The following TBC1D22A variants were observed in gnomAD, a reference collection of about 807,000 sequenced individuals.
TBC1D22A encodes the protein putative GTPase activator.
TBC1D22A carries 38 observed loss-of-function variants against 60.2 expected under a neutral mutation model. That is an observed-to-expected ratio of 0.63 (90% CI 0.49 to 0.83). The LOEUF (loss-of-function observed/expected upper bound fraction) is 0.83. Among genes scored for constraint, TBC1D22A ranks in the 40% least tolerant of loss-of-function variants. TBC1D22A has a pLI of 0.00. For missense variants in TBC1D22A, 628 were observed against 701.0 expected (o/e 0.90, Z 1.18); for synonymous variants, 302 against 281.7 (o/e 1.07, Z -0.72).
At chr22:46,983,423 A>T (rs993824211) in intron 9 of TBC1D22A, among the ~76,000 whole-genome samples, 1 of 152,210 alleles carries the variant, frequency 6.6e-6, no homozygotes, top group South Asian at 2.1e-4. Flanking sequence ...AAAAATTCAG[A>T]TAAGTTTAAT....
intron 9 of TBC1D22A, among the ~76,000 whole-genome samples, chr22:46,996,172 G>A (rs561102138): frequency 2.6e-5 from 4 of 152,364 alleles, no homozygotes; most frequent in Admixed American, 2.0e-4. Context: ...GGTGGCCCGA[G>A]CCCACTTGGT....
At chr22:46,831,179 G>C (rs1389025013) in intron 4 of TBC1D22A, among the ~76,000 whole-genome samples, 1 of 152,180 alleles carries the variant, frequency 6.6e-6, no homozygotes, top group Admixed American at 6.5e-5. Flanking sequence ...GGAGCAGAGA[G>C]CATGGACAGA....
At chr22:46,822,724 G>A (rs550708875) in intron 4 of TBC1D22A, among the ~76,000 whole-genome samples, 46 of 152,278 alleles carry the variant, frequency 3.0e-4, no homozygotes, top group Non-Finnish European at 5.3e-4. Context: ...ACCCAGTTGG[G>A]TGGCATGGGG....
intron 8 of TBC1D22A, among the ~76,000 whole-genome samples, chr22:46,971,053 A>G (rs1005519661): frequency 1.3e-5 from 2 of 152,160 alleles, no homozygotes; most frequent in African/African-American, 4.8e-5. Flanking sequence ...ATCTCATTCT[A>G]ACAATAAGGG....
At chr22:46,874,746 C>G (rs111667011) in intron 4 of TBC1D22A, among the ~76,000 whole-genome samples, 2 of 151,508 alleles carry the variant, frequency 1.3e-5, no homozygotes, top group African/African-American at 4.8e-5. Flanking sequence ...GCTAATTTTT[C>G]TATTTTTAGT....
At chr22:46,874,869 T>G (rs539945733) in intron 4 of TBC1D22A, among the ~76,000 whole-genome samples, 1 of 152,232 alleles carries the variant, frequency 6.6e-6, no homozygotes, top group African/African-American at 2.4e-5. Context: ...CCACTGCACC[T>G]GGCCTTTTGA....
chr22:47,152,062 C>T (rs1447353607), intron 12 of TBC1D22A, among the ~76,000 whole-genome samples: 2 of 152,184 alleles, frequency 1.3e-5, no homozygotes, highest in Non-Finnish European at 1.5e-5. Context: ...CCTGCCTGGA[C>T]CTCACCCACT....
intron 11 of TBC1D22A, among the ~76,000 whole-genome samples, chr22:47,061,375 C>G (rs1055632102): frequency 3.3e-5 from 5 of 152,128 alleles, no homozygotes; most frequent in Middle Eastern, 3.2e-3. Context: ...CTCACTCTCT[C>G]CTCTGCCTTG....
rs568625917 is a variant in TBC1D22A at position 46,950,491 on chromosome 22, T to G, written c.1016-23799T>G. On this transcript the variant is annotated intron_variant, in intron 8 of 12. Coordinates refer to ENST00000337137, the MANE Select transcript of TBC1D22A (RefSeq NM_014346.5). ...CGTTTTGAGGTCCTTGTGTCCACTG[T>G]GGAATGCTGGACTGTCCTTTAGGGC... is the stretch of plus-strand genomic sequence containing the variant. 5.9e-5 allele frequency among the ~76,000 whole-genome samples: 9 copies of G among 152,306 alleles called. No individual in the cohort carries two copies. In the East Asian group the frequency reaches 1.7e-3, roughly 29 times the overall value.
At chr22:47,058,357 C>T (rs1403579255) in intron 11 of TBC1D22A, among the ~76,000 whole-genome samples, 2 of 152,130 alleles carry the variant, frequency 1.3e-5, no homozygotes, top group African/African-American at 2.4e-5. Flanking sequence ...TGATTCCACC[C>T]GCCCGACAGA....
chr22:46,832,246 G>C (rs958516135), intron 4 of TBC1D22A, among the ~76,000 whole-genome samples: 3 of 152,236 alleles, frequency 2.0e-5, no homozygotes, highest in African/African-American at 7.2e-5. Flanking sequence ...GGAGCTGTGG[G>C]CCTGTGTGTG....
intron 12 of TBC1D22A, among the ~76,000 whole-genome samples, chr22:47,159,981 TCACA>T (rs1046103830): frequency 8.2e-5 from 12 of 146,362 alleles, no homozygotes; most frequent in African/African-American, 1.5e-4. Flanking sequence ...TACAGGTGAC[TCACA>T]CACACCCCAC....
At position 47,036,927 on chromosome 22, in the gene TBC1D22A, G is replaced by T. The variant is rs1418589562; in HGVS notation, c.1202-144G>T. On this transcript the variant is annotated intron_variant, in intron 10 of 12. Coordinates refer to ENST00000337137, the MANE Select transcript of TBC1D22A (RefSeq NM_014346.5). ...CTCTCATTAATAGAATCAGTTCTTT[G>T]CTCCTTGGGGGTTGTTGCTTGGGAT... The T allele has an allele frequency of 6.9e-6, 6 of 865,922 alleles. No individual in the cohort carries two copies. In the Admixed American group the frequency reaches 1.0e-4, roughly 15 times the overall value. The allele number at this position is 865,922 out of a possible 1,614,324, so 53.6% of individuals were successfully genotyped here.
intron 5 of TBC1D22A, among the ~76,000 whole-genome samples, chr22:46,880,959 T>G (rs1349392297): frequency 1.3e-5 from 2 of 152,138 alleles, no homozygotes; most frequent in African/African-American, 4.8e-5. Flanking sequence ...AAGTAAGGCT[T>G]CTTGGGGAAG....
intron 10 of TBC1D22A, among the ~76,000 whole-genome samples, chr22:47,029,507 C>T (rs1410309312): frequency 6.6e-6 from 1 of 152,230 alleles, no homozygotes; most frequent in Admixed American, 6.5e-5. Flanking sequence ...TCTTCCCTCC[C>T]TTCCCTTCAC....
chr22:46,845,849 C>T (rs138239125), intron 4 of TBC1D22A, among the ~76,000 whole-genome samples: 2,351 of 152,320 alleles, frequency 0.015, 30 homozygotes, highest in Middle Eastern at 0.034. Context: ...CAGAGTCTGT[C>T]GTTCCTGCTT....
intron 10 of TBC1D22A, among the ~76,000 whole-genome samples, chr22:47,007,059 G>A (rs1035026531): frequency 6.6e-6 from 1 of 152,198 alleles, no homozygotes; most frequent in African/African-American, 2.4e-5. Context: ...CGGTACACCT[G>A]CTGGGAGGGG....
intron 8 of TBC1D22A, among the ~76,000 whole-genome samples, chr22:46,973,080 C>T (rs961259671): frequency 3.9e-5 from 6 of 152,176 alleles, no homozygotes; most frequent in Non-Finnish European, 7.3e-5. Context: ...CGTGTCACCT[C>T]GTCTCTTCCA....
chr22:46,798,831 CAGGGGCCATAT>C (rs2084774105), intron 4 of TBC1D22A, among the ~76,000 whole-genome samples: 1 of 152,220 alleles, frequency 6.6e-6, no homozygotes, highest in Non-Finnish European at 1.5e-5. Flanking sequence ...AGGAGCCATG[CAGGGGCCATAT>C]AGGAGCTTGC....
Sources: gnomAD v4.1 joint callset for allele counts (sites outside exome capture counted in the v4.1 genomes callset) on GRCh38, gnomAD v4.1.1 for gene constraint, MANE v1.5 for transcripts, NCBI Gene and HGNC (gene_info 2026-07-23, HGNC 2026-07-21) for gene names.